Variants in SEMA5A observed in about 807,000 individuals in gnomAD.
SEMA5A encodes the protein semaphorin 5A, also known as semaphorin-5A.
A neutral mutation model predicts 135.5 loss-of-function variants in SEMA5A; 55 were observed. That is an observed-to-expected ratio of 0.41 (90% CI 0.33 to 0.51). SEMA5A has a LOEUF of 0.51. SEMA5A is among the 20% of genes least tolerant of loss of function. The pLI, the probability that SEMA5A is intolerant of heterozygous loss-of-function variation, is 0.37. For missense variants in SEMA5A, 1,290 were observed against 1,419.9 expected, an observed-to-expected ratio of 0.91 and a Z score of 1.47; for synonymous variants, 580 against 546.5, an observed-to-expected ratio of 1.06 and a Z score of -0.85.
At chr5:9,199,016 C>T (rs544455354) in intron 9 of SEMA5A, among the ~76,000 whole-genome samples, 1 of 152,282 alleles carries the variant, frequency 6.6e-6, no homozygotes, top group East Asian at 1.9e-4. Flanking sequence ...AAAACAGTAG[C>T]ACAGAGAGTT....
At chr5:9,521,932 C>G (rs1736856136) in intron 1 of SEMA5A, among the ~76,000 whole-genome samples, 1 of 152,168 alleles carries the variant, frequency 6.6e-6, no homozygotes, top group South Asian at 2.1e-4. Context: ...CACCTGTCCT[C>G]AGGATCCTCC....
At chr5:9,213,045 C>T (rs1283511916) in intron 8 of SEMA5A, among the ~76,000 whole-genome samples, 4 of 152,222 alleles carry the variant, frequency 2.6e-5, no homozygotes, top group African/African-American at 9.6e-5. Context: ...CCGGCACCTT[C>T]TCACTGTGTC....
Position 9,404,026 on chromosome 5 carries a change from C to A in SEMA5A, c.-77-24003G>T, listed in dbSNP as rs539091244. On this transcript the variant is annotated intron_variant, in intron 2 of 22. Transcript: ENST00000382496. Reference sequence around the variant, plus strand: ...CTTGGCTCACTGCAAACTCTGCCTCCCCAGTTCAAGCAATTCTCCCGCCTC... The same window carrying A: ...CTTGGCTCACTGCAAACTCTGCCTCACCAGTTCAAGCAATTCTCCCGCCTC... Among the ~76,000 whole-genome samples, 23 of 152,276 alleles carry A rather than the reference C, an allele frequency of 1.5e-4. No homozygotes were observed. In the South Asian group the frequency reaches 4.8e-3, roughly 32 times the overall value.
At chr5:9,315,266 T>C (rs1428488239) in intron 5 of SEMA5A, among the ~76,000 whole-genome samples, 1 of 152,194 alleles carries the variant, frequency 6.6e-6, no homozygotes. Context: ...CTTCTATGTA[T>C]GTATGTGTAT....
intron 2 of SEMA5A, among the ~76,000 whole-genome samples, chr5:9,389,466 GC>G (rs1425322720): frequency 6.6e-6 from 1 of 152,132 alleles, no homozygotes; most frequent in African/African-American, 2.4e-5. Flanking sequence ...GTCTTCATCA[GC>G]TGTCTCCCTT....
At chr5:9,252,158 G>A (rs988120898) in intron 5 of SEMA5A, among the ~76,000 whole-genome samples, 1 of 152,128 alleles carries the variant, frequency 6.6e-6, no homozygotes, top group African/African-American at 2.4e-5. Context: ...AAAATAAAAT[G>A]TGGTGCTTTT....
At chr5:9,537,825 G>T (rs3798087) in intron 1 of SEMA5A, among the ~76,000 whole-genome samples, 123,719 of 152,112 alleles carry the variant, frequency 0.81, 50,413 homozygotes, top group Middle Eastern at 0.85. Flanking sequence ...TCACAGGGCT[G>T]GATAAAAAAA....
chr5:9,136,362 T>C, intron 13 of SEMA5A, 142 bp downstream of exon 13: 1 of 649,520 alleles, frequency 1.5e-6, no homozygotes, highest in Non-Finnish European at 2.7e-6. Flanking sequence ...AGCTGAGTGA[T>C]CTGAGAGAGC....
intron 4 of SEMA5A, among the ~76,000 whole-genome samples, chr5:9,319,052 A>C (rs1378594508): frequency 1.3e-5 from 2 of 152,058 alleles, no homozygotes; most frequent in Non-Finnish European, 2.9e-5. Context: ...AAAAATACAA[A>C]AGTTATCCAG....
intron 5 of SEMA5A, among the ~76,000 whole-genome samples, chr5:9,273,162 A>C (rs892142918): frequency 7.9e-5 from 12 of 152,180 alleles, no homozygotes; most frequent in Non-Finnish European, 1.6e-4. Flanking sequence ...ATGGAGCTGA[A>C]AAACACAGCA....
intron 1 of SEMA5A, among the ~76,000 whole-genome samples, chr5:9,518,818 G>A (rs968519155): frequency 5.3e-5 from 8 of 151,996 alleles, no homozygotes; most frequent in African/African-American, 1.9e-4. Flanking sequence ...ACAGAAGAGA[G>A]TAAAGAACTT....
intron 22 of SEMA5A, chr5:9,043,320 T>TA: frequency 3.8e-6 from 1 of 260,020 alleles, no homozygotes; most frequent in Non-Finnish European, 7.3e-6. Context: ...CCTAAAACTA[T>TA]AATGATTTCA....
chr5:9,205,762 G>A (rs1745978954), intron 8 of SEMA5A, among the ~76,000 whole-genome samples: 1 of 152,178 alleles, frequency 6.6e-6, no homozygotes. Flanking sequence ...GTTGGTCAGG[G>A]AGTGAGACTG....
intron 1 of SEMA5A, among the ~76,000 whole-genome samples, chr5:9,497,653 G>A (rs895562543): frequency 5.9e-5 from 9 of 152,120 alleles, no homozygotes; most frequent in African/African-American, 2.2e-4. Flanking sequence ...AACCCTATGT[G>A]GAAGTATTAT....
At chr5:9,420,241 G>A (rs891205491) in intron 2 of SEMA5A, among the ~76,000 whole-genome samples, 2 of 151,972 alleles carry the variant, frequency 1.3e-5, no homozygotes, top group Non-Finnish European at 2.9e-5. Context: ...TGGTGCTAGT[G>A]GGCTGTATTA....
chr5:9,189,101 G>T (rs1245142970), intron 11 of SEMA5A, among the ~76,000 whole-genome samples: 1 of 152,248 alleles, frequency 6.6e-6, no homozygotes, highest in Non-Finnish European at 1.5e-5. Flanking sequence ...CCTTATGGGT[G>T]CAGGGCTGGC....
intron 2 of SEMA5A, among the ~76,000 whole-genome samples, chr5:9,437,150 A>C (rs550066977): frequency 6.6e-6 from 1 of 152,280 alleles, no homozygotes; most frequent in South Asian, 2.1e-4. Context: ...CAGCGCACAG[A>C]GGTAACTGCA....
chr5:9,259,782 A>G (rs1355714893), intron 5 of SEMA5A, among the ~76,000 whole-genome samples: 1 of 91,722 alleles, frequency 1.1e-5, no homozygotes, highest in Non-Finnish European at 2.1e-5. Context: ...TGCCTACAAG[A>G]GAAAGCAGGA....
chr5:9,046,036 T>C (rs546443933), intron 21 of SEMA5A: 1 of 152,338 alleles, frequency 6.6e-6, no homozygotes, highest in East Asian at 1.9e-4. Flanking sequence ...TTCAGGAGAA[T>C]TGGGTAAAGT....
Sources: allele counts gnomAD v4.1 joint callset (sites outside exome capture counted in the v4.1 genomes callset), GRCh38; gene constraint gnomAD v4.1.1; transcripts MANE v1.5; gene names NCBI Gene and HGNC (gene_info 2026-07-23, HGNC 2026-07-21).